The following PLD5 variants were observed in gnomAD, a reference collection of about 807,000 sequenced individuals.
The protein encoded by PLD5 is inactive phospholipase D5.
A neutral mutation model predicts 61.1 loss-of-function variants in PLD5; 36 were observed. That is an observed-to-expected ratio of 0.59 (90% CI 0.45 to 0.78). PLD5 has a LOEUF of 0.78. PLD5 is among the 30% of genes least tolerant of loss of function. The pLI is 0.00. For synonymous variants in PLD5, 243 were observed against 242.8 expected, an observed-to-expected ratio of 1.00 and a Z score of -0.01; for missense variants, 515 against 644.4, an observed-to-expected ratio of 0.80 and a Z score of 2.17.
In PLD5 at chr1:242,256,116, G is replaced by A. The variant is rs1315759773; in HGVS notation, c.607+9221C>T. On this transcript the variant is annotated intron_variant, in intron 4 of 9. Transcript: ENST00000536534. This position sits in a 1 kb window ranked among gnomAD's most constrained non-coding sequence, Gnocchi z 5.7. ...ATAGTGCTAATGAGGGAAAGTTGGG[G>A]TCACTTTTAAACTGGGTGTCTGAGA... Among the ~76,000 whole-genome samples the A allele has an allele frequency of 6.6e-6, 1 of 152,038 alleles. No homozygotes were observed. Among genetic ancestry groups the A allele is most frequent in the African/African-American group, 2.4e-5 (1 of 41,400 alleles).
At chr1:242,107,870 A>G (rs1661185157) in intron 7 of PLD5, 31 bp from the exon 8 acceptor site, 1 of 1,552,024 alleles carries the variant, frequency 6.4e-7, no homozygotes, top group African/African-American at 1.4e-5. Flanking sequence ...TAGAAAAAAT[A>G]AACTAAGTTA....
intron 5 of PLD5, among the ~76,000 whole-genome samples, chr1:242,157,604 CTGCTGGAGTT>C (rs1423406773): frequency 3.3e-5 from 5 of 152,196 alleles, no homozygotes; most frequent in Non-Finnish European, 7.3e-5. Flanking sequence ...TGCTGCAGGT[CTGCTGGAGTT>C]TGCTGGAGGT....
chr1:242,277,723 C>T lies in PLD5; in HGVS notation c.495+10639G>A, dbSNP rs550064404. Among the ~76,000 whole-genome samples the T allele has an allele frequency of 6.6e-5, 10 of 150,754 alleles. No individual in the cohort carries two copies. The South Asian group carries it at 2.1e-3, about 32-fold the overall frequency. On this transcript the variant is annotated intron_variant, in intron 3 of 9. Coordinates refer to ENST00000536534, the MANE Select transcript of PLD5 (RefSeq NM_001372062.1). ...TTAGGCTGGGCACAGTGGCTCACAC[C>T]TGTAATCCCAGCACTTTGGGAGGCC...
chr1:242,339,191 A>G (rs934740780), intron 2 of PLD5, among the ~76,000 whole-genome samples: 1 of 152,158 alleles, frequency 6.6e-6, no homozygotes, highest in Admixed American at 6.6e-5. Context: ...TTGTATTTTC[A>G]TGGAAACTAT....
At chr1:242,465,344 T>C (rs979412069) in intron 1 of PLD5, among the ~76,000 whole-genome samples, 2 of 152,234 alleles carry the variant, frequency 1.3e-5, no homozygotes, top group African/African-American at 4.8e-5. Flanking sequence ...GATTATTACA[T>C]GGACTCCTAA....
intron 1 of PLD5, among the ~76,000 whole-genome samples, chr1:242,400,331 G>T (rs180724456): frequency 3.1e-5 from 4 of 129,864 alleles, no homozygotes; most frequent in African/African-American, 1.2e-4. Context: ...GCTGGGAATT[G>T]CTGGATTATG....
At position 242,364,706 on chromosome 1, in the gene PLD5, ACT is replaced by A. The variant is rs1352604161; in HGVS notation, c.190-16466_190-16465del. Among the ~76,000 whole-genome samples the A allele has an allele frequency of 7.9e-5, 12 of 152,218 alleles. No homozygotes were observed. The East Asian group carries it at 1.7e-3, about 22-fold the overall frequency. ...ACTCCAGCCTGGTTGATAGAGCAAG[ACT>A]CTGTCTCAATAAAGAAAAGAAAGGA... is the stretch of plus-strand genomic sequence containing the variant. On this transcript the variant is annotated intron_variant, in intron 1 of 9. Coordinates refer to ENST00000536534, the MANE Select transcript of PLD5 (RefSeq NM_001372062.1).
intron 1 of PLD5, among the ~76,000 whole-genome samples, chr1:242,509,593 G>A (rs1360066070): frequency 6.6e-6 from 1 of 152,120 alleles, no homozygotes; most frequent in Non-Finnish European, 1.5e-5. Context: ...AAGAAAATGG[G>A]CAGAGAGATA....
intron 1 of PLD5, among the ~76,000 whole-genome samples, chr1:242,494,627 T>C (rs1668302738): frequency 6.6e-6 from 1 of 152,080 alleles, no homozygotes; most frequent in Admixed American, 6.5e-5. Context: ...GGATACTACC[T>C]CAAACCCCAG....
chr1:242,337,035 G>A (rs1363272065), intron 2 of PLD5, among the ~76,000 whole-genome samples: 1 of 151,978 alleles, frequency 6.6e-6, no homozygotes, highest in Non-Finnish European at 1.5e-5. Flanking sequence ...TTGCACAGTA[G>A]GTAGACGAGC....
At chr1:242,179,162 T>C (rs1037867656) in intron 5 of PLD5, among the ~76,000 whole-genome samples, 3 of 152,158 alleles carry the variant, frequency 2.0e-5, no homozygotes, top group African/African-American at 7.2e-5. Context: ...TCCTGGAGAC[T>C]TTTATGGTGT....
At position 242,265,335 on chromosome 1, in the gene PLD5, A is replaced by G; in HGVS notation, c.607+2T>C. On this transcript the variant is annotated splice_donor_variant, in intron 4 of 9. Coordinates refer to ENST00000536534, the MANE Select transcript of PLD5 (RefSeq NM_001372062.1). LOFTEE classifies it high-confidence loss of function. Reference sequence around the variant, plus strand: ...AGAATAGCATATCAACCTTGGTCTTACCCTTTAATTTCAAGGCTTCTAATA... The same window carrying G: ...AGAATAGCATATCAACCTTGGTCTTGCCCTTTAATTTCAAGGCTTCTAATA... 1 of 1,608,546 alleles carries G rather than the reference A, an allele frequency of 6.2e-7. No homozygotes were observed. The highest frequency in any genetic ancestry group is 8.5e-7 in the Non-Finnish European group (1 of 1,178,916).
chr1:242,181,979 CTT>C (rs1667549568), intron 5 of PLD5, among the ~76,000 whole-genome samples: 1 of 152,204 alleles, frequency 6.6e-6, no homozygotes, highest in Non-Finnish European at 1.5e-5. Flanking sequence ...AAACCTCAAA[CTT>C]TTAAATTTAG....
intron 1 of PLD5, among the ~76,000 whole-genome samples, chr1:242,471,924 G>A (rs1434136808): frequency 2.0e-5 from 3 of 152,214 alleles, no homozygotes; most frequent in Non-Finnish European, 4.4e-5. Flanking sequence ...AATTAAGTCA[G>A]TGAAGTGATA....
intron 4 of PLD5, among the ~76,000 whole-genome samples, chr1:242,233,593 C>A (rs187747896): frequency 6.6e-6 from 1 of 151,874 alleles, no homozygotes; most frequent in Non-Finnish European, 1.5e-5. Context: ...GGAGGGCTGG[C>A]GGCAGGCATG....
At chr1:242,329,094 T>G (rs1251506160) in intron 2 of PLD5, among the ~76,000 whole-genome samples, 1 of 152,020 alleles carries the variant, frequency 6.6e-6, no homozygotes, top group Non-Finnish European at 1.5e-5. Context: ...CTGCAACCTC[T>G]GCCTCCCAAG....
chr1:242,436,001 A>T lies in PLD5; in HGVS notation c.190-87759T>A, dbSNP rs140764083. On this transcript the variant is annotated intron_variant, in intron 1 of 9. Coordinates refer to ENST00000536534, the MANE Select transcript of PLD5 (RefSeq NM_001372062.1). ...TGCACACAGTGGATCCTCAAAAAAT[A>T]TCCGACAACTTTCAAAACCCATTAG... Among the ~76,000 whole-genome samples, 23 of 152,266 alleles carry T rather than the reference A, an allele frequency of 1.5e-4. No homozygotes were observed. In the East Asian group the frequency reaches 4.3e-3, roughly 28 times the overall value.
rs1659371804 is a variant in PLD5, at chr1:242,084,579, TG to T, written c.*5274del. ...TAGGCTGTCAACTTCTATGCCCAAATGGGAAGGGAATTTACACGTTGGGTGA... is the reference window on the plus strand; with the variant it reads ...TAGGCTGTCAACTTCTATGCCCAAATGGAAGGGAATTTACACGTTGGGTGA... On this transcript the variant is annotated 3_prime_UTR_variant, in exon 10 of 10. Coordinates refer to ENST00000536534, the MANE Select transcript of PLD5 (RefSeq NM_001372062.1). 1 of 151,910 alleles carries T rather than the reference TG, an allele frequency of 6.6e-6. No homozygotes were observed. Among genetic ancestry groups the T allele is most frequent in the Admixed American group, 6.6e-5 (1 of 15,240 alleles). 9.4% of individuals were successfully genotyped at this position (151,910 alleles called of 1,614,324 possible).
At chr1:242,526,593 G>A (rs1669453822), upstream of PLD5, among the ~76,000 whole-genome samples, 1 of 152,084 alleles carries the variant, frequency 6.6e-6, no homozygotes, top group Non-Finnish European at 1.5e-5. Flanking sequence ...ACGTCACCAC[G>A]CCCAGCTAAT....
Sources: allele counts gnomAD v4.1 joint callset (sites outside exome capture counted in the v4.1 genomes callset), GRCh38; gene constraint gnomAD v4.1.1; non-coding constraint Gnocchi (gnomAD v3.1); transcripts MANE v1.5; gene names NCBI Gene and HGNC (gene_info 2026-07-23, HGNC 2026-07-21).